COG1: variants seen among roughly 807,000 people sequenced by gnomAD.
COG1 encodes the protein conserved oligomeric Golgi complex subunit 1.
In COG1, 61 loss-of-function variants were observed where a neutral mutation model predicts 102.2. The observed-to-expected ratio is 0.60, with a 90% CI of 0.49 to 0.74. The LOEUF (loss-of-function observed/expected upper bound fraction) is 0.74, where lower values mean the gene tolerates loss of function less well. COG1 is among the 30% of genes least tolerant of loss of function. COG1 has a pLI of 0.00. For missense variants in COG1, 1,164 were observed against 1,232.1 expected (o/e 0.94, Z 0.83); for synonymous variants, 454 against 493.6 (o/e 0.92, Z 1.06).
intron 8 of COG1, 160 bp downstream of exon 8, chr17:73,203,306 G>A: frequency 1.1e-6 from 1 of 927,660 alleles, no homozygotes; most frequent in South Asian, 1.5e-5. Context: ...CTAAGTAAAT[G>A]GCAGACTGTT....
intron 1 of COG1, among the ~76,000 whole-genome samples, chr17:73,194,262 G>A (rs199877085): frequency 1.4e-5 from 2 of 147,730 alleles, no homozygotes; most frequent in Non-Finnish European, 3.0e-5. Flanking sequence ...CTAACACGGT[G>A]AAACCCCGTC....
In COG1 at chr17:73,195,779, G is replaced by A. The variant is rs1012863714; in HGVS notation, c.316-728G>A. On this transcript the variant is annotated intron_variant, in intron 1 of 13. Transcript: ENST00000299886. ...AATACAAAAATTAGCCAGGCGTGGC[G>A]ACACGCACCTGCGATCCCAGCTACT... 3.3e-5 allele frequency among the ~76,000 whole-genome samples: 5 copies of A among 152,186 alleles called. No homozygotes were observed. The East Asian group carries it at 5.8e-4, about 18-fold the overall frequency.
rs1047192668 is a variant in COG1 at position 73,203,797 on chromosome 17, G to A, written c.2382+4G>A. The A allele has an allele frequency of 6.2e-7, 1 of 1,614,026 alleles. No homozygotes were observed. Among genetic ancestry groups the A allele is most frequent in the African/African-American group, 1.3e-5 (1 of 74,904 alleles). On this transcript the variant is annotated splice_donor_region_variant and intron_variant, in intron 9 of 13. Coordinates refer to ENST00000299886, the MANE Select transcript of COG1 (RefSeq NM_018714.3). ...CTCCGAAGAAAAACAGATTAAGGTA[G>A]GTGTCTGAATGTTTGCCCATTAAAA...
rs185099440 is a variant in COG1, at chr17:73,207,046, T to C, written c.2730-135T>C. 8.8e-4 allele frequency: 693 copies of C among 787,258 alleles called. 6 individuals are homozygous for C. The East Asian group carries it at 0.016, about 18-fold the overall frequency. 48.8% of individuals were successfully genotyped at this position (787,258 alleles called of 1,614,324 possible). A position where few individuals can be genotyped will look rare whatever the true frequency, so the allele number is the denominator to read the frequency against. Reference sequence around the variant, plus strand: ...AGGCGGAGCTTGCAGTGAGCCGAGATTGCGCCACTGCACTCCAGCCTGGGC... The same window carrying C: ...AGGCGGAGCTTGCAGTGAGCCGAGACTGCGCCACTGCACTCCAGCCTGGGC... On this transcript the variant is annotated intron_variant, in intron 12 of 13. Coordinates refer to ENST00000299886, the MANE Select transcript of COG1 (RefSeq NM_018714.3).
At chr17:73,196,876 C>G (rs778080401) in intron 2 of COG1, 24 bp from the exon 3 acceptor site, 32 of 1,613,928 alleles carry the variant, frequency 2.0e-5, no homozygotes, top group Non-Finnish European at 2.6e-5. Context: ...AACACCCTGG[C>G]GACTTCTGTC....
chr17:73,193,228 C>T lies in COG1; in HGVS notation c.159C>T (p.Gly53=). The change falls in exon 1 of 14, where the codon GGC becomes GGT. Residue 53 remains glycine (G), a synonymous_variant. Coordinates refer to ENST00000299886, the MANE Select transcript of COG1 (RefSeq NM_018714.3). ...AGGAGGAGCTGCGGCAGATGGTGGG[C>T]GAACGGTACCGCGACCTGATCGAGG... ...HKKEELRQMV[G]ERYRDLIEAA... 6.2e-7 allele frequency: 1 copy of T among 1,608,614 alleles called. No individual in the cohort carries two copies. The highest frequency in any genetic ancestry group is 8.5e-7 in the Non-Finnish European group (1 of 1,178,076).
chr17:73,207,880 A>G, intron 13 of COG1: 1 of 1,192,402 alleles, frequency 8.4e-7, no homozygotes. Context: ...CGAACCCATT[A>G]AGATCTAAAA....
chr17:73,202,406 A>G (rs59214318), intron 7 of COG1, among the ~76,000 whole-genome samples: 3,947 of 152,282 alleles, frequency 0.026, 183 homozygotes, highest in African/African-American at 0.09. Flanking sequence ...TTTTCCTTGC[A>G]TCAGATGAGA....
rs1193731296 is a variant in COG1, at chr17:73,206,136, T to C, written c.2511-18T>C. On this transcript the variant is annotated intron_variant, in intron 10 of 13. Coordinates refer to ENST00000299886, the MANE Select transcript of COG1 (RefSeq NM_018714.3). ...TCCTAAAAAATGTGGACAGTAATGA[T>C]CCTAATCCTTTTCTCAGAATTGAGA... is the stretch of plus-strand genomic sequence containing the variant. 1 of 1,569,106 alleles carries C rather than the reference T, an allele frequency of 6.4e-7. No homozygotes were observed. Among genetic ancestry groups the C allele is most frequent in the Non-Finnish European group, 8.8e-7 (1 of 1,138,924 alleles).
At chr17:73,193,492 A>C (rs1438976928) in intron 1 of COG1, 108 bp downstream of exon 1, 5 of 1,151,114 alleles carry the variant, frequency 4.3e-6, no homozygotes, top group East Asian at 6.2e-5. Context: ...GCGAGTCCTC[A>C]CCTTCCTTAG....
chr17:73,196,749 C>T lies in COG1; in HGVS notation c.558C>T (p.Phe186=). ...LIRQVAAASH[F]RSTILHESKM... is the part of the protein sequence containing the mutation. ...GGCAGGTGGCAGCCGCCAGCCACTT[C>T]CGGTAAGTGGATCCAGCGCAAAGAG... Residue 186 remains phenylalanine (F), a splice_region_variant and synonymous_variant, in exon 2 of 14, where the codon TTC becomes TTT. Coordinates refer to ENST00000299886, the MANE Select transcript of COG1 (RefSeq NM_018714.3). 6.2e-7 allele frequency: 1 copy of T among 1,614,176 alleles called. No individual in the cohort carries two copies. Among genetic ancestry groups the T allele is most frequent in the South Asian group, 1.1e-5 (1 of 91,086 alleles).
intron 8 of COG1, 23 bp from the exon 9 acceptor site, chr17:73,203,609 G>A (rs1246836096): frequency 1.2e-6 from 2 of 1,613,970 alleles, no homozygotes; most frequent in Non-Finnish European, 8.5e-7. Context: ...AGTTGGCAAT[G>A]TGACATTTCT....
At chr17:73,200,459 A>C (rs957957861) in intron 5 of COG1, 107 bp from the exon 6 acceptor site, 5 of 1,000,810 alleles carry the variant, frequency 5.0e-6, no homozygotes, top group Non-Finnish European at 8.0e-6. Context: ...ATATTTATCT[A>C]CTGGAACTCA....
At chr17:73,194,747 A>C (rs941395087) in intron 1 of COG1, among the ~76,000 whole-genome samples, 5 of 152,172 alleles carry the variant, frequency 3.3e-5, no homozygotes, top group Non-Finnish European at 5.9e-5. Context: ...TACAGGCGCG[A>C]GAGCCACCGC....
chr17:73,206,285 T>G, intron 11 of COG1, 23 bp downstream of exon 11: 1 of 1,580,226 alleles, frequency 6.3e-7, no homozygotes, highest in Non-Finnish European at 8.7e-7. Flanking sequence ...AAAAACATGC[T>G]TAGTGCGAAC....
chr17:73,201,928 C>CT, intron 7 of COG1, 28 bp downstream of exon 7: 1 of 1,600,786 alleles, frequency 6.2e-7, no homozygotes. Flanking sequence ...TTATCCCTGT[C>CT]TTGTCTCACT....
At position 73,201,337 on chromosome 17, in the gene COG1, T is replaced by G. The variant is rs1218319589; in HGVS notation, c.1510T>G (p.Ser504Ala). 6.2e-7 allele frequency: 1 copy of G among 1,614,096 alleles called. No individual in the cohort carries two copies. The highest frequency in any genetic ancestry group is 8.5e-7 in the Non-Finnish European group (1 of 1,180,042). Residue 504 changes from serine to alanine, a missense_variant, in exon 7 of 14, where the codon TCC becomes GCC. Ser to Ala is a moderately conservative substitution (Grantham distance 99, BLOSUM62 1). Coordinates refer to ENST00000299886, the MANE Select transcript of COG1 (RefSeq NM_018714.3). Reference protein sequence around the residue: ...NRGQFASSGLSMKAQAISPCV... With the variant: ...NRGQFASSGLAMKAQAISPCV... Reference sequence around the variant, plus strand: ...GGGTCAGTTTGCCAGTAGCGGCCTCTCCATGAAAGCACAAGCCATCAGCCC... The same window carrying G: ...GGGTCAGTTTGCCAGTAGCGGCCTCGCCATGAAAGCACAAGCCATCAGCCC...
At chr17:73,194,213 CG>C (rs2061315861) in intron 1 of COG1, among the ~76,000 whole-genome samples, 1 of 145,326 alleles carries the variant, frequency 6.9e-6, no homozygotes, top group Non-Finnish European at 1.5e-5. Context: ...GAGGCCGAGG[CG>C]GGTGGATCAC....
chr17:73,197,486 C>A, intron 4 of COG1, 90 bp downstream of exon 4: 1 of 1,425,014 alleles, frequency 7.0e-7, no homozygotes, highest in Non-Finnish European at 9.8e-7. Flanking sequence ...ATGCTAGGCT[C>A]TGGGGATGGA....
Sources: allele counts gnomAD v4.1 joint callset (sites outside exome capture counted in the v4.1 genomes callset), GRCh38; gene constraint gnomAD v4.1.1; transcripts MANE v1.5; gene names NCBI Gene and HGNC (gene_info 2026-07-23, HGNC 2026-07-21).